NRXN1: variants seen among roughly 807,000 people sequenced by gnomAD.
NRXN1 encodes neurexin-1.
NRXN1 carries 39 observed loss-of-function variants against 150.9 expected under a neutral mutation model. The ratio of observed to expected loss-of-function variants is 0.26; its 90% CI spans 0.20 to 0.34. NRXN1 has a LOEUF of 0.34. Among genes scored for constraint, NRXN1 ranks in the 10% least tolerant of loss-of-function variants. The pLI is 1.00. For missense variants in NRXN1, 1,815 were observed against 1,949.9 expected (o/e 0.93, Z 1.30); for synonymous variants, 924 against 757.0 (o/e 1.22, Z -3.62).
Position 50,821,469 on chromosome 2 carries a change from A to G in NRXN1, c.832+100400T>C, listed in dbSNP as rs552761768. Among the ~76,000 whole-genome samples, 10 of 152,258 alleles carry G rather than the reference A, an allele frequency of 6.6e-5. No homozygotes were observed. In the South Asian group the frequency reaches 1.9e-3, roughly 28 times the overall value. ...AACTCCTATGTGCTTAAATCTTCCC[A>G]TCTGCAAAATGGAAATAAGAATATA... On this transcript the variant is annotated intron_variant, in intron 5 of 22. Transcript: ENST00000401669.
intron 5 of NRXN1, among the ~76,000 whole-genome samples, chr2:50,713,124 T>A (rs996946809): frequency 2.6e-5 from 4 of 151,828 alleles, no homozygotes; most frequent in Non-Finnish European, 4.4e-5. Flanking sequence ...ACCAGCCTGG[T>A]CAAAATGACA....
intron 5 of NRXN1, among the ~76,000 whole-genome samples, chr2:50,768,925 CACACACACACAT>C (rs1374838374): frequency 4.0e-5 from 6 of 151,886 alleles, no homozygotes; most frequent in African/African-American, 1.4e-4. Context: ...AACACACACA[CACACACACACAT>C]ACACACACAC....
At chr2:50,287,006 T>C (rs1482250278) in intron 17 of NRXN1, among the ~76,000 whole-genome samples, 1 of 152,062 alleles carries the variant, frequency 6.6e-6, no homozygotes, top group African/African-American at 2.4e-5. Context: ...AGAACTTATA[T>C]TTTGTTGAAG....
chr2:50,019,784 A>C (rs1048178845), intron 21 of NRXN1, among the ~76,000 whole-genome samples: 28 of 150,108 alleles, frequency 1.9e-4, no homozygotes, highest in African/African-American at 6.6e-4. Context: ...GTCTCTACTA[A>C]AAAAATACAA....
rs1403321675 is a variant in NRXN1 at position 50,236,939 on chromosome 2, A to G, written c.3396T>C (p.Gly1132=). ...GAGGCCACTTATACGTGATTTGTCC[A>G]CCACCTTTGCTAAAGATATATGTCG... ...PGTTYIFSKG[G]GQITYKWPPN... is the part of the protein sequence containing the mutation. The change falls in exon 18 of 23, where the codon GGT becomes GGC. Residue 1132 remains glycine (G), a synonymous_variant. Coordinates refer to ENST00000401669, the MANE Select transcript of NRXN1 (RefSeq NM_001330078.2). The G allele has an allele frequency of 6.2e-7, 1 of 1,613,212 alleles. No homozygotes were observed. Among genetic ancestry groups the G allele is most frequent in the Non-Finnish European group, 8.5e-7 (1 of 1,179,572 alleles).
At position 50,096,043 on chromosome 2, in the gene NRXN1, T is replaced by C. The variant is rs981040193; in HGVS notation, c.3547-4549A>G. Among the ~76,000 whole-genome samples, 6 of 150,296 alleles carry C rather than the reference T, an allele frequency of 4.0e-5. No homozygotes were observed. In the East Asian group the frequency reaches 1.2e-3, roughly 30 times the overall value. On this transcript the variant is annotated intron_variant, in intron 18 of 22. Coordinates refer to ENST00000401669, the MANE Select transcript of NRXN1 (RefSeq NM_001330078.2). ...TGACGCCCATCTCTTCTTGGAGATG[T>C]TCAGTTGTTGCCTCAACTTCAAATG...
chr2:50,979,420 T>C, intron 2 of NRXN1: 3 of 392,104 alleles, frequency 7.7e-6, no homozygotes, highest in South Asian at 6.0e-5. Flanking sequence ...ACTAGCCAGT[T>C]ATTCAGGACA....
intron 5 of NRXN1, among the ~76,000 whole-genome samples, chr2:50,891,708 T>C (rs969321045): frequency 3.9e-5 from 6 of 152,094 alleles, no homozygotes; most frequent in African/African-American, 1.4e-4. Context: ...AAAACTTACT[T>C]TTCCTCAGAT....
At chr2:50,902,659 C>T (rs949919642) in intron 5 of NRXN1, among the ~76,000 whole-genome samples, 5 of 152,120 alleles carry the variant, frequency 3.3e-5, no homozygotes, top group African/African-American at 1.2e-4. Context: ...AAAACCCATG[C>T]ATGGTGTAGT....
At chr2:50,475,691 A>G (rs565286793) in intron 15 of NRXN1, among the ~76,000 whole-genome samples, 1 of 152,204 alleles carries the variant, frequency 6.6e-6, no homozygotes, top group Non-Finnish European at 1.5e-5. Flanking sequence ...CTGAAGCTGT[A>G]CTTAGCACCA....
rs765860570 is a variant in NRXN1, at chr2:50,942,821, G to A, written c.773-16866C>T. On this transcript the variant is annotated intron_variant, in intron 2 of 22. Transcript: ENST00000401669. Reference sequence around the variant, plus strand: ...TGGACTTTTGAGTTAATGCTGAAATGAGTTAAGGTCTTGGGGGACTGTTGG... The same window carrying A: ...TGGACTTTTGAGTTAATGCTGAAATAAGTTAAGGTCTTGGGGGACTGTTGG... Among the ~76,000 whole-genome samples, 80 of 152,190 alleles carry A rather than the reference G, an allele frequency of 5.3e-4. 1 individual carries two copies. Among genetic ancestry groups the A allele is most frequent in the Admixed American group, 1.7e-3 (26 of 15,272 alleles).
intron 2 of NRXN1, among the ~76,000 whole-genome samples, chr2:51,018,122 C>T (rs959480230): frequency 6.6e-6 from 1 of 152,060 alleles, no homozygotes; most frequent in African/African-American, 2.4e-5. Flanking sequence ...AACAGTACCT[C>T]CTAAGCTCTC....
At chr2:50,157,504 C>A (rs2059095669) in intron 18 of NRXN1, among the ~76,000 whole-genome samples, 1 of 151,996 alleles carries the variant, frequency 6.6e-6, no homozygotes, top group Admixed American at 6.6e-5. Flanking sequence ...GTGACCAATT[C>A]TTATTACAAG....
intron 5 of NRXN1, among the ~76,000 whole-genome samples, chr2:50,823,636 T>G (rs1670040026): frequency 6.6e-6 from 1 of 152,164 alleles, no homozygotes; most frequent in Admixed American, 6.5e-5. Context: ...TTTGTCTACA[T>G]GCTAATTAAG....
intron 5 of NRXN1, among the ~76,000 whole-genome samples, chr2:50,728,646 T>A (rs1574265437): frequency 1.3e-5 from 2 of 152,176 alleles, no homozygotes. Context: ...TATCACCTAG[T>A]GTCTATAACG....
At chr2:50,944,578 T>A (rs1466138432) in intron 2 of NRXN1, among the ~76,000 whole-genome samples, 4 of 152,184 alleles carry the variant, frequency 2.6e-5, no homozygotes, top group African/African-American at 9.7e-5. Context: ...ACCAAACTTT[T>A]AAATCTTAAC....
intron 13 of NRXN1, among the ~76,000 whole-genome samples, chr2:50,501,614 T>C (rs771227395): frequency 6.6e-5 from 10 of 151,720 alleles, no homozygotes. Context: ...TGGTGAATGT[T>C]GTTCCATAAA....
chr2:50,267,042 C>T (rs1030337342), intron 17 of NRXN1, among the ~76,000 whole-genome samples: 2 of 152,200 alleles, frequency 1.3e-5, no homozygotes, highest in African/African-American at 4.8e-5. Context: ...ACTGCCAGAG[C>T]AATCCCTTGT....
intron 5 of NRXN1, among the ~76,000 whole-genome samples, chr2:50,904,571 T>G (rs1683400142): frequency 6.6e-6 from 1 of 152,106 alleles, no homozygotes; most frequent in Non-Finnish European, 1.5e-5. Context: ...TAGAGCTAAC[T>G]CTCCCATTTA....
Sources: gnomAD v4.1 joint callset for allele counts (sites outside exome capture counted in the v4.1 genomes callset) on GRCh38, gnomAD v4.1.1 for gene constraint, MANE v1.5 for transcripts, NCBI Gene and HGNC (gene_info 2026-07-23, HGNC 2026-07-21) for gene names.